The following ZDBF2 variants were observed in gnomAD, a reference collection of about 807,000 sequenced individuals.
ZDBF2 encodes DBF4-type zinc finger-containing protein 2.
ZDBF2 carries 6 observed loss-of-function variants against 9.4 expected under a neutral mutation model. The observed-to-expected ratio is 0.64, with a 90% confidence interval of 0.35 to 1.27. The LOEUF is 1.27. Ranked by LOEUF, ZDBF2 falls within the 50% of genes most tolerant of loss-of-function variation. ZDBF2 has a pLI of 0.03. For missense variants in ZDBF2, 2,697 were observed against 2,766.8 expected (o/e 0.97, Z 0.57); for synonymous variants, 905 against 946.3 (o/e 0.96, Z 0.80).
intron 3 of ZDBF2, among the ~76,000 whole-genome samples, chr2:206,289,928 G>C (rs1241207857): frequency 1.3e-5 from 2 of 152,184 alleles, no homozygotes; most frequent in African/African-American, 4.8e-5. Context: ...TCTGCTCTCT[G>C]TGTTGCCATT....
intron 4 of ZDBF2, among the ~76,000 whole-genome samples, chr2:206,303,414 T>C (rs1206295447): frequency 2.6e-5 from 4 of 152,074 alleles, no homozygotes; most frequent in African/African-American, 4.8e-5. Context: ...TAGTAGATGG[T>C]TGTTACATGA....
chr2:206,311,212 G>T lies in ZDBF2; in HGVS notation c.6684G>T (p.Ser2228=), dbSNP rs769931510. ...KPSDIIRKYI[S]KYSVFLRHRY... Reference sequence around the variant, plus strand: ...GTGATATCATTAGAAAGTATATTTCGAAATACTCTGTCTTTTTACGTCATA... The same window carrying T: ...GTGATATCATTAGAAAGTATATTTCTAAATACTCTGTCTTTTTACGTCATA... Residue 2228 remains serine, a synonymous_variant, in exon 5 of 5, where the codon TCG becomes TCT. Coordinates refer to ENST00000374423, the MANE Select transcript of ZDBF2 (RefSeq NM_020923.3). 2 of 1,612,134 alleles carry T rather than the reference G, an allele frequency of 1.2e-6. No individual in the cohort carries two copies. The highest frequency in any genetic ancestry group is 1.1e-5 in the South Asian group (1 of 90,614).
In ZDBF2 at chr2:206,306,721, T is replaced by TCCATGG; in HGVS notation, c.2193_2194insCCATGG (p.Leu731_Lys732insProTrp). On this transcript the variant is annotated inframe_insertion, in exon 5 of 5. Transcript: ENST00000374423. ...AAGAAGCTTTGGATGAAGTAAATCTTAAAGAGTTAAATATTGACATGGAAG... is the reference window on the plus strand; with the variant it reads ...AAGAAGCTTTGGATGAAGTAAATCTTCCATGGAAAGAGTTAAATATTGACATGGAAG... 1 of 1,613,834 alleles carries TCCATGG rather than the reference T, an allele frequency of 6.2e-7. No homozygotes were observed. Among genetic ancestry groups the TCCATGG allele is most frequent in the South Asian group, 1.1e-5 (1 of 91,060 alleles).
At position 206,308,974 on chromosome 2, in the gene ZDBF2, GC is replaced by G; in HGVS notation, c.4447del (p.His1483MetfsTer16). On this transcript the variant is annotated frameshift_variant, in exon 5 of 5. Coordinates refer to ENST00000374423, the MANE Select transcript of ZDBF2 (RefSeq NM_020923.3). LOFTEE classifies it low-confidence loss of function (END_TRUNC). ...AAGAGGCAGACCTTCAGAAGGAAGA[GC>G]ATGTTGTCATGGAAGAAAAGACCGA... is the stretch of plus-strand genomic sequence containing the variant. ...YKEADLQKEE[H>X]VVMEEKTDQP... 3 of 1,613,698 alleles carry G rather than the reference GC, an allele frequency of 1.9e-6. No individual in the cohort carries two copies. The highest frequency in any genetic ancestry group is 2.5e-6 in the Non-Finnish European group (3 of 1,179,744).
chr2:206,289,583 G>T (rs986321827), intron 3 of ZDBF2, among the ~76,000 whole-genome samples: 1 of 152,164 alleles, frequency 6.6e-6, no homozygotes, highest in East Asian at 1.9e-4. Flanking sequence ...TAGCCTCAGG[G>T]ACAAAAGGGA....
intron 3 of ZDBF2, among the ~76,000 whole-genome samples, chr2:206,283,604 A>G (rs1691443871): frequency 6.6e-6 from 1 of 152,040 alleles, no homozygotes; most frequent in Non-Finnish European, 1.5e-5. Context: ...ATTTTGGATA[A>G]TTGACCTTTA....
At chr2:206,281,491 A>C (rs2105898889) in intron 2 of ZDBF2, among the ~76,000 whole-genome samples, 1 of 152,328 alleles carries the variant, frequency 6.6e-6, no homozygotes. Context: ...TCTTAGAAGT[A>C]ATTGGTCTTC....
intron 1 of ZDBF2, among the ~76,000 whole-genome samples, chr2:206,275,384 C>T (rs1690936716): frequency 6.6e-6 from 1 of 152,212 alleles, no homozygotes; most frequent in Non-Finnish European, 1.5e-5. Flanking sequence ...CAGTGCCCTG[C>T]GTTGGGTCCA....
In ZDBF2 at chr2:206,306,239, G is replaced by T. The variant is rs765864382; in HGVS notation, c.1711G>T (p.Val571Phe). Residue 571 changes from valine to phenylalanine, a missense_variant, in exon 5 of 5, where the codon GTT becomes TTT. Transcript: ENST00000374423. ...TCGGAAGAAGGCTCATACCAGCTTG[G>T]TTGATAACTATGGATCGAGTTGTTC... The part of the protein sequence containing the change: ...KLRKKAHTSL[V>F]DNYGSSCSET... 4.3e-6 allele frequency: 7 copies of T among 1,613,476 alleles called. No homozygotes were observed. In the Admixed American group the frequency reaches 1.2e-4, roughly 27 times the overall value.
chr2:206,297,423 A>T, intron 4 of ZDBF2, 50 bp downstream of exon 4: 1 of 1,525,968 alleles, frequency 6.6e-7, no homozygotes, highest in Non-Finnish European at 8.9e-7. Flanking sequence ...ATGTTACAGT[A>T]GGTGTTTGTG....
In ZDBF2 at chr2:206,305,351, G is replaced by A; in HGVS notation, c.823G>A (p.Val275Ile). 6.2e-7 allele frequency: 1 copy of A among 1,612,690 alleles called. No homozygotes were observed. The highest frequency in any genetic ancestry group is 8.5e-7 in the Non-Finnish European group (1 of 1,179,274). The change falls in exon 5 of 5, where the codon GTA becomes ATA. Residue 275 changes from valine (V) to isoleucine (I), a missense_variant. By Grantham distance (29) the Val-to-Ile change is conservative. Coordinates refer to ENST00000374423, the MANE Select transcript of ZDBF2 (RefSeq NM_020923.3). ...AGATAAGTTGGTTTTGTGGAAAGAT[G>A]TAAAATCTCAGGGTAAAACTTTATC... ...NSDKLVLWKDVKSQGKTLSAG... is the reference protein window; with the variant it reads ...NSDKLVLWKDIKSQGKTLSAG...
Position 206,313,335 on chromosome 2 carries a change from G to A in ZDBF2, c.*1742G>A, listed in dbSNP as rs779114609. ...ATTATGTTTAAAAACAAATGTTTTT[G>A]TCTTTAGTTGCAAAGCAGCATATAT... is the stretch of plus-strand genomic sequence containing the variant. On this transcript the variant is annotated 3_prime_UTR_variant, in exon 5 of 5. Transcript: ENST00000374423. 1 of 152,082 alleles carries A rather than the reference G, an allele frequency of 6.6e-6. No homozygotes were observed. Among genetic ancestry groups the A allele is most frequent in the Non-Finnish European group, 1.5e-5 (1 of 68,002 alleles). The allele number at this position is 152,082 out of a possible 1,614,324, so 9.4% of individuals were successfully genotyped here.
chr2:206,285,353 A>G (rs1241930450), intron 3 of ZDBF2, among the ~76,000 whole-genome samples: 1 of 152,082 alleles, frequency 6.6e-6, no homozygotes, highest in Non-Finnish European at 1.5e-5. Context: ...TTGAAGTGAG[A>G]TGATATCTCA....
rs1348795895 is a variant in ZDBF2, at chr2:206,310,707, T to C, written c.6179T>C (p.Ile2060Thr). ...FDYYEPLIKQ[I>T]VISPPLSVIV... Reference sequence around the variant, plus strand: ...TATTATGAGCCCTTGATTAAGCAAATTGTAATTAGTCCTCCCCTGAGTGTA... The same window carrying C: ...TATTATGAGCCCTTGATTAAGCAAACTGTAATTAGTCCTCCCCTGAGTGTA... The change falls in exon 5 of 5, where the codon ATT becomes ACT. Residue 2060 changes from isoleucine to threonine, a missense_variant. Coordinates refer to ENST00000374423, the MANE Select transcript of ZDBF2 (RefSeq NM_020923.3). The C allele has an allele frequency of 6.2e-7, 1 of 1,613,360 alleles. No homozygotes were observed. Among genetic ancestry groups the C allele is most frequent in the Non-Finnish European group, 8.5e-7 (1 of 1,179,792 alleles).
chr2:206,306,017 G>T lies in ZDBF2; in HGVS notation c.1489G>T (p.Asp497Tyr). 1.9e-6 allele frequency: 3 copies of T among 1,613,336 alleles called. No individual in the cohort carries two copies. The highest frequency in any genetic ancestry group is 2.5e-6 in the Non-Finnish European group (3 of 1,179,582). ...YESSSSETNF[D>Y]CDASPQSTSD... Reference sequence around the variant, plus strand: ...ATCTAGTAGTTCTGAAACGAATTTTGATTGTGATGCTTCACCTCAGTCCAC... The same window carrying T: ...ATCTAGTAGTTCTGAAACGAATTTTTATTGTGATGCTTCACCTCAGTCCAC... Residue 497 changes from aspartate (D) to tyrosine (Y), a missense_variant, in exon 5 of 5, where the codon GAT (aspartate) becomes TAT (tyrosine). By Grantham distance (160) the Asp-to-Tyr change is radical (BLOSUM62 -3). Transcript: ENST00000374423.
intron 3 of ZDBF2, 34 bp from the exon 4 acceptor site, chr2:206,297,212 A>G: frequency 2.1e-6 from 2 of 946,472 alleles, no homozygotes; most frequent in Non-Finnish European, 3.4e-6. Context: ...AATACTGTCC[A>G]TTTAAAAATA....
Position 206,308,754 on chromosome 2 carries a change from A to T in ZDBF2, c.4226A>T (p.Asp1409Val). 1 of 1,613,590 alleles carries T rather than the reference A, an allele frequency of 6.2e-7. No individual in the cohort carries two copies. Among genetic ancestry groups the T allele is most frequent in the South Asian group, 1.1e-5 (1 of 91,030 alleles). Reference protein sequence around the residue: ...EDKSYKLGDFDVSYASHIPVQ... With the variant: ...EDKSYKLGDFVVSYASHIPVQ... ...AAGAGCTATAAATTAGGTGATTTTGATGTAAGTTATGCTTCTCATATTCCT... is the reference window on the plus strand; with the variant it reads ...AAGAGCTATAAATTAGGTGATTTTGTTGTAAGTTATGCTTCTCATATTCCT... The change falls in exon 5 of 5, where the codon GAT becomes GTT. Residue 1409 changes from aspartate (D) to valine (V), a missense_variant. By Grantham distance (152) the Asp-to-Val change is radical. Around this residue, in one of 3 missense-constraint regions of ZDBF2, gnomAD observed 1,783 missense variants for 1,776.5 expected, o/e 1.00. Coordinates refer to ENST00000374423, the MANE Select transcript of ZDBF2 (RefSeq NM_020923.3).
At position 206,305,658 on chromosome 2, in the gene ZDBF2, A is replaced by G; in HGVS notation, c.1130A>G (p.Gln377Arg). ...DCISLQSASD[Q>R]PQETAQDLSL... Reference sequence around the variant, plus strand: ...ATCTCTCTTCAGTCAGCATCTGATCAGCCCCAAGAGACTGCACAAGACTTA... The same window carrying G: ...ATCTCTCTTCAGTCAGCATCTGATCGGCCCCAAGAGACTGCACAAGACTTA... The change falls in exon 5 of 5, where the codon CAG becomes CGG. Residue 377 changes from glutamine to arginine, a missense_variant. Physicochemically the swap from Gln to Arg is conservative, Grantham distance 43 (BLOSUM62 1). Coordinates refer to ENST00000374423, the MANE Select transcript of ZDBF2 (RefSeq NM_020923.3). The G allele has an allele frequency of 1.2e-6, 2 of 1,613,574 alleles. No homozygotes were observed. Among genetic ancestry groups the G allele is most frequent in the Non-Finnish European group, 1.7e-6 (2 of 1,179,758 alleles).
intron 1 of ZDBF2, among the ~76,000 whole-genome samples, chr2:206,278,952 T>TA (rs1691168156): frequency 6.6e-6 from 1 of 152,334 alleles, no homozygotes; most frequent in Non-Finnish European, 1.5e-5. Flanking sequence ...AACTCTGTGC[T>TA]GAGTGGGTGC....
Sources: allele counts gnomAD v4.1 joint callset (sites outside exome capture counted in the v4.1 genomes callset), GRCh38; gene constraint gnomAD v4.1.1; regional missense constraint gnomAD v4.1.1; transcripts MANE v1.5; gene names NCBI Gene and HGNC (gene_info 2026-07-23, HGNC 2026-07-21).